The following SIRT5 variants were observed in gnomAD, a reference collection of about 807,000 sequenced individuals.
SIRT5 encodes the protein sirtuin 5, also known as NAD-dependent protein deacylase sirtuin-5, mitochondrial.
In SIRT5, 26 loss-of-function variants were observed where a neutral mutation model predicts 40.0. That is an observed-to-expected ratio of 0.65 (90% CI 0.48 to 0.90). The LOEUF is 0.90. Among genes scored for constraint, SIRT5 ranks in the 40% least tolerant of loss-of-function variants. SIRT5 has a pLI of 0.00. For missense variants in SIRT5, 401 were observed against 402.4 expected, an observed-to-expected ratio of 1.00 and a Z score of 0.03; for synonymous variants, 146 against 149.1, an observed-to-expected ratio of 0.98 and a Z score of 0.15.
rs1764177962 is a variant in SIRT5 at position 13,614,381 on chromosome 6, G to A, written c.*2516G>A. The A allele has an allele frequency of 6.6e-6, 1 of 152,238 alleles. No individual in the cohort carries two copies. The highest frequency in any genetic ancestry group is 2.4e-5 in the African/African-American group (1 of 41,432). 9.4% of individuals were successfully genotyped at this position (152,238 alleles called of 1,614,324 possible). ...AAGTATAAAAAGGACTTCTACCTGG[G>A]GGGCTGCGGCAGTAGAGGGAAGAGC... is the stretch of plus-strand genomic sequence containing the variant. On this transcript the variant is annotated 3_prime_UTR_variant, in exon 10 of 10. Coordinates refer to ENST00000606117, the MANE Select transcript of SIRT5 (RefSeq NM_012241.5).
chr6:13,584,278 A>G, intron 3 of SIRT5, 53 bp downstream of exon 3: 3 of 1,264,488 alleles, frequency 2.4e-6, no homozygotes, highest in Non-Finnish European at 2.3e-6. Flanking sequence ...AGTACCTGAA[A>G]GTCCTACACT....
chr6:13,594,766 G>C (rs2127670404), intron 5 of SIRT5, among the ~76,000 whole-genome samples: 1 of 152,386 alleles, frequency 6.6e-6, no homozygotes, highest in African/African-American at 2.4e-5. Context: ...AGGGTTGAAA[G>C]TGCTCTGCAC....
At chr6:13,611,685 G>T (rs769474959) in intron 9 of SIRT5, 105 bp from the exon 10 acceptor site, 1 of 803,856 alleles carries the variant, frequency 1.2e-6, no homozygotes, top group East Asian at 2.5e-5. Context: ...TGAGAATTTG[G>T]GTTTTACTTC....
chr6:13,600,837 G>A lies in SIRT5; in HGVS notation c.745G>A (p.Gly249Ser), dbSNP rs1190402086. Residue 249 changes from glycine (G) to serine (S), a missense_variant, in exon 9 of 10, where the codon GGC becomes AGC. By Grantham distance (56) the Gly-to-Ser change is moderately conservative. Transcript: ENST00000606117. ...TCTCCGTGTACTTGCCTTGTAGGTG[G>A]GCACTTCCTCTGTGGTGTACCCAGC... ...LAHCDLCLVV[G>S]TSSVVYPAAM... 8 of 1,610,680 alleles carry A rather than the reference G, an allele frequency of 5.0e-6. No individual in the cohort carries two copies. Among genetic ancestry groups the A allele is most frequent in the Non-Finnish European group, 6.8e-6 (8 of 1,178,214 alleles).
At chr6:13,604,763 G>A (rs1308735073) in intron 9 of SIRT5, 1 of 1,211,914 alleles carries the variant, frequency 8.3e-7, no homozygotes, top group African/African-American at 1.6e-5. Context: ...CACTGCTCAA[G>A]TCAAGCCTCC....
At chr6:13,605,263 T>G in intron 9 of SIRT5, 1 of 860,352 alleles carries the variant, frequency 1.2e-6, no homozygotes, top group Non-Finnish European at 1.4e-6. Context: ...GGCCATATGT[T>G]TGTATATTGT....
At chr6:13,594,965 G>A (rs1420874988) in intron 5 of SIRT5, among the ~76,000 whole-genome samples, 7 of 152,132 alleles carry the variant, frequency 4.6e-5, no homozygotes, top group African/African-American at 7.2e-5. Context: ...CATATCCCAC[G>A]CCATTGAACC....
At chr6:13,605,372 GA>G in intron 9 of SIRT5, 6 of 983,760 alleles carry the variant, frequency 6.1e-6, no homozygotes, top group Non-Finnish European at 7.2e-6. Context: ...GCCCTTTACA[GA>G]AAAAGTTTTC....
At chr6:13,609,198 TTG>T (rs906577800) in intron 9 of SIRT5, among the ~76,000 whole-genome samples, 1 of 152,214 alleles carries the variant, frequency 6.6e-6, no homozygotes, top group Admixed American at 6.5e-5. Flanking sequence ...GTGTTACCTA[TTG>T]TTGGAAGGAG....
intron 9 of SIRT5, chr6:13,605,551 C>G: frequency 1.0e-6 from 1 of 985,432 alleles, no homozygotes; most frequent in Non-Finnish European, 1.2e-6. Context: ...TGTTCAGATT[C>G]TTTGCCCCAG....
At chr6:13,596,678 A>C (rs891302405) in intron 6 of SIRT5, among the ~76,000 whole-genome samples, 40 of 152,026 alleles carry the variant, frequency 2.6e-4, no homozygotes, top group African/African-American at 9.7e-4. Context: ...GTAGAAATGC[A>C]GTCTTACTGT....
At chr6:13,576,614 C>T (rs370574446) in intron 1 of SIRT5, among the ~76,000 whole-genome samples, 44 of 152,214 alleles carry the variant, frequency 2.9e-4, no homozygotes, top group African/African-American at 1.0e-3. Flanking sequence ...TGGGTTGTCT[C>T]TTTACTCTGT....
chr6:13,583,816 C>T (rs1224244793), intron 2 of SIRT5, among the ~76,000 whole-genome samples: 8 of 152,192 alleles, frequency 5.3e-5, no homozygotes, highest in Admixed American at 2.0e-4. Context: ...CTAGGGAACA[C>T]GCTTTGAGAA....
intron 5 of SIRT5, among the ~76,000 whole-genome samples, chr6:13,593,473 A>C (rs1260196266): frequency 6.6e-6 from 1 of 152,202 alleles, no homozygotes; most frequent in Non-Finnish European, 1.5e-5. Context: ...GCAGTGTCAG[A>C]ATGTGGGCTA....
chr6:13,593,395 G>A lies in SIRT5; in HGVS notation c.475+1501G>A, dbSNP rs143251006. On this transcript the variant is annotated intron_variant, in intron 5 of 9. Transcript: ENST00000606117. ...AGGAACAGCCAGCCACCTATTAACC[G>A]AGCATCTTTTTGGTACCTACATCTG... is the stretch of plus-strand genomic sequence containing the variant. Among the ~76,000 whole-genome samples, 145 of 152,254 alleles carry A rather than the reference G, an allele frequency of 9.5e-4. 1 individual carries two copies. The highest frequency in any genetic ancestry group is 6.8e-3 in the Middle Eastern group (2 of 294).
chr6:13,595,595 G>A, intron 6 of SIRT5, 31 bp downstream of exon 6: 2 of 1,488,224 alleles, frequency 1.3e-6, no homozygotes, highest in Non-Finnish European at 1.9e-6. Context: ...AATAAGTATA[G>A]GTTGTTTTCT....
At chr6:13,582,556 C>G (rs1759483717) in intron 2 of SIRT5, among the ~76,000 whole-genome samples, 2 of 146,144 alleles carry the variant, frequency 1.4e-5, no homozygotes, top group Non-Finnish European at 3.0e-5. Flanking sequence ...TTGACAGATA[C>G]AGTCATGTAA....
chr6:13,591,471 T>G (rs756227594), intron 4 of SIRT5, among the ~76,000 whole-genome samples, 198 bp from the exon 5 acceptor site: 7 of 152,246 alleles, frequency 4.6e-5, no homozygotes, highest in Non-Finnish European at 7.3e-5. Flanking sequence ...CCCTGGGCAG[T>G]CCCAGGATGG....
intron 4 of SIRT5, 99 bp from the exon 5 acceptor site, chr6:13,591,570 C>G: frequency 1.0e-6 from 1 of 1,003,620 alleles, no homozygotes; most frequent in African/African-American, 1.6e-5. Context: ...CTTCCCGACG[C>G]TGCCTGTCTC....
Sources: allele counts gnomAD v4.1 joint callset (sites outside exome capture counted in the v4.1 genomes callset), GRCh38; gene constraint gnomAD v4.1.1; transcripts MANE v1.5; gene names NCBI Gene and HGNC (gene_info 2026-07-23, HGNC 2026-07-21).